PCDHA2: variants seen among roughly 807,000 people sequenced by gnomAD.
PCDHA2 encodes protocadherin alpha 2, also known as protocadherin alpha-2.
A neutral mutation model predicts 66.0 loss-of-function variants in PCDHA2; 58 were observed. The observed-to-expected ratio is 0.88, with a 90% CI of 0.71 to 1.09. PCDHA2 has a LOEUF of 1.09. PCDHA2 is among the 50% of genes least tolerant of loss of function. The probability of loss-of-function intolerance (pLI) is 0.00; values close to 1 mark genes in which losing one functional copy is unlikely to be tolerated. For synonymous variants in PCDHA2, 634 were observed against 554.0 expected (o/e 1.14, Z -2.03); for missense variants, 1,267 against 1,242.3 (o/e 1.02, Z -0.30).
At chr5:140,962,171 G>A (rs1218733161) in intron 1 of PCDHA2, among the ~76,000 whole-genome samples, 3 of 151,902 alleles carry the variant, frequency 2.0e-5, no homozygotes, top group Non-Finnish European at 4.4e-5. Context: ...CACCACACCC[G>A]GCCACTTATA....
At chr5:140,891,196 A>C (rs1043715116) in intron 1 of PCDHA2, among the ~76,000 whole-genome samples, 5 of 151,974 alleles carry the variant, frequency 3.3e-5, no homozygotes, top group Non-Finnish European at 7.4e-5. Context: ...GATATTTTGC[A>C]GTTTTACCAT....
Position 140,796,991 on chromosome 5 carries a change from C to G in PCDHA2, c.2027C>G (p.Pro676Arg), listed in dbSNP as rs75272992. The change falls in exon 1 of 4, where the codon CCC becomes CGC. Residue 676 changes from proline (P) to arginine (R), a missense_variant. Coordinates refer to ENST00000526136, the MANE Select transcript of PCDHA2 (RefSeq NM_018905.3). ...TCGTTGGTGGAAAGTGGCCAGGCAC[C>G]CAAGGCCTCGTCGCGGGCGTGGGTG... ...LVSLVESGQAPKASSRAWVGA... is the reference protein window; with the variant it reads ...LVSLVESGQARKASSRAWVGA... The G allele has an allele frequency of 4.3e-6, 7 of 1,613,756 alleles. No individual in the cohort carries two copies. The East Asian group carries it at 8.9e-5, about 21-fold the overall frequency.
intron 1 of PCDHA2, chr5:140,824,221 T>G: frequency 6.4e-7 from 1 of 1,560,374 alleles, no homozygotes; most frequent in South Asian, 1.1e-5. Flanking sequence ...AAAAATTATG[T>G]CTTAGTACAC....
chr5:140,976,323 G>A (rs532976656), intron 1 of PCDHA2, among the ~76,000 whole-genome samples: 26 of 152,258 alleles, frequency 1.7e-4, no homozygotes, highest in African/African-American at 6.0e-4. Context: ...GGCCGAGGAG[G>A]GTGGATTGCC....
At chr5:140,828,010 G>T in intron 1 of PCDHA2, 1 of 1,506,712 alleles carries the variant, frequency 6.6e-7, no homozygotes, top group South Asian at 1.3e-5. Context: ...CAGAAGAAAT[G>T]GATTAATAAA....
intron 1 of PCDHA2, chr5:140,805,116 A>G (rs1237951232): frequency 1.3e-6 from 2 of 1,587,236 alleles, no homozygotes; most frequent in Non-Finnish European, 8.5e-7. Flanking sequence ...GTCTAACAAG[A>G]CTCTTGGCAA....
intron 1 of PCDHA2, among the ~76,000 whole-genome samples, chr5:140,840,836 TA>T (rs1554137914): frequency 6.6e-6 from 1 of 152,034 alleles, no homozygotes; most frequent in Non-Finnish European, 1.5e-5. Flanking sequence ...AAATAAATAT[TA>T]ATGCATTTCT....
rs141559668 is a variant in PCDHA2, at chr5:140,830,266, G to A, written c.2388+32914G>A. On this transcript the variant is annotated intron_variant, in intron 1 of 3. Transcript: ENST00000526136. ...TGTACACAGCGCTGCGGTGCTCGGC[G>A]CCACCCACCGAGGGCGCGTGCACGG... 1.1e-4 allele frequency: 170 copies of A among 1,613,648 alleles called. No homozygotes were observed. The Middle Eastern group carries it at 1.5e-3, about 14-fold the overall frequency.
At chr5:140,916,323 C>G (rs1035282237) in intron 1 of PCDHA2, among the ~76,000 whole-genome samples, 2 of 152,210 alleles carry the variant, frequency 1.3e-5, no homozygotes. Flanking sequence ...ACAAAGTCCC[C>G]TTTACTTTTT....
At chr5:140,871,549 T>C (rs1554165727) in intron 1 of PCDHA2, 6 of 1,496,034 alleles carry the variant, frequency 4.0e-6, no homozygotes, top group Non-Finnish European at 5.4e-6. Flanking sequence ...TTATTTAAAA[T>C]CCAGTTTTTT....
At chr5:140,937,927 A>AT (rs201742095) in intron 1 of PCDHA2, among the ~76,000 whole-genome samples, 1 of 149,222 alleles carries the variant, frequency 6.7e-6, no homozygotes, top group Non-Finnish European at 1.5e-5. Flanking sequence ...AAAAAAAAAA[A>AT]GTTTAATTTG....
At chr5:140,970,920 G>A (rs957123423) in intron 1 of PCDHA2, among the ~76,000 whole-genome samples, 2 of 152,266 alleles carry the variant, frequency 1.3e-5, no homozygotes, top group Non-Finnish European at 2.9e-5. Flanking sequence ...TTTATCAGAA[G>A]TGCCTGGTGT....
intron 1 of PCDHA2, chr5:140,856,747 T>C (rs2044175443): frequency 2.5e-6 from 4 of 1,596,640 alleles, no homozygotes; most frequent in Non-Finnish European, 3.4e-6. Context: ...TGGTGTTAGA[T>C]GCCAATGATA....
rs1164447924 is a variant in PCDHA2, at chr5:141,009,514, AT to A, written c.2537-108del. The A allele has an allele frequency of 1.5e-5, 22 of 1,501,204 alleles. 1 individual carries two copies. The South Asian group carries it at 1.9e-4, about 13-fold the overall frequency. 93.0% of individuals were successfully genotyped at this position (1,501,204 alleles called of 1,614,324 possible). ...CTCAGACTTGAACAAACAACTCGTG[AT>A]TTTTCTGGGGAGGTTCAGCCTGCCT... On this transcript the variant is annotated intron_variant, in intron 3 of 3. Coordinates refer to ENST00000526136, the MANE Select transcript of PCDHA2 (RefSeq NM_018905.3).
rs150074715 is a variant in PCDHA2, at chr5:140,835,873, T to G, written c.2388+38521T>G. The G allele has an allele frequency of 6.4e-4, 1,037 of 1,611,964 alleles. 10 individuals carry two copies. Among genetic ancestry groups the G allele is most frequent in the Admixed American group, 1.9e-3 (111 of 59,998 alleles). On this transcript the variant is annotated intron_variant, in intron 1 of 3. Transcript: ENST00000526136. Reference sequence around the variant, plus strand: ...CTGGTGTCCTACTCGCTGGTGGAGCTGCGGGTGGGCGAGCGCGCGCTGTCG... The same window carrying G: ...CTGGTGTCCTACTCGCTGGTGGAGCGGCGGGTGGGCGAGCGCGCGCTGTCG...
intron 1 of PCDHA2, among the ~76,000 whole-genome samples, chr5:140,917,447 A>T (rs155358): frequency 0.58 from 87,947 of 151,944 alleles, 26,404 homozygotes; most frequent in African/African-American, 0.75. Flanking sequence ...TTGCTGCAAG[A>T]GCGTTTGGCA....
chr5:140,932,593 A>G (rs1347990722), intron 1 of PCDHA2, among the ~76,000 whole-genome samples: 1 of 151,922 alleles, frequency 6.6e-6, no homozygotes, highest in African/African-American at 2.4e-5. Flanking sequence ...GATGTTTTGT[A>G]TATCTATTTT....
At chr5:140,801,131 G>A (rs992198799) in intron 1 of PCDHA2, 6 of 1,521,846 alleles carry the variant, frequency 3.9e-6, no homozygotes, top group Non-Finnish European at 5.3e-6. Context: ...ATGAAGATAA[G>A]GAACTCGAAT....
At chr5:140,960,067 A>T (rs1423900287) in intron 1 of PCDHA2, among the ~76,000 whole-genome samples, 1 of 152,228 alleles carries the variant, frequency 6.6e-6, no homozygotes, top group East Asian at 1.9e-4. Context: ...AGAAGATTCA[A>T]TTGAAGTTTC....
Sources: gnomAD v4.1 joint callset for allele counts (sites outside exome capture counted in the v4.1 genomes callset) on GRCh38, gnomAD v4.1.1 for gene constraint, MANE v1.5 for transcripts, NCBI Gene and HGNC (gene_info 2026-07-23, HGNC 2026-07-21) for gene names.